The following NME8 variants were observed in gnomAD, a reference collection of about 807,000 sequenced individuals.
NME8 encodes protein NME8.
A neutral mutation model predicts 82.3 loss-of-function variants in NME8; 72 were observed. The ratio of observed to expected loss-of-function variants is 0.87; its 90% CI spans 0.72 to 1.06. The LOEUF (loss-of-function observed/expected upper bound fraction) is 1.06, where lower values mean the gene tolerates loss of function less well. Ranked by LOEUF, NME8 falls within the 50% of genes least tolerant of loss-of-function variation. The probability of loss-of-function intolerance (pLI) is 0.00; values close to 1 mark genes in which losing one functional copy is unlikely to be tolerated. For synonymous variants in NME8, 267 were observed against 228.5 expected (o/e 1.17, Z -1.52); for missense variants, 712 against 685.4 (o/e 1.04, Z -0.43).
chr7:37,879,565 T>G (rs1217799893), intron 12 of NME8, among the ~76,000 whole-genome samples: 1 of 152,236 alleles, frequency 6.6e-6, no homozygotes, highest in East Asian at 1.9e-4. Flanking sequence ...TTCCATTGTA[T>G]GTATGCAACT....
At chr7:37,857,051 A>T (rs1342546713) in intron 5 of NME8, among the ~76,000 whole-genome samples, 1 of 152,170 alleles carries the variant, frequency 6.6e-6, no homozygotes, top group African/African-American at 2.4e-5. Flanking sequence ...GTTTGGCTAA[A>T]GGTTGGTTAA....
At chr7:37,898,257 G>T (rs1224562578) in intron 17 of NME8, among the ~76,000 whole-genome samples, 1 of 152,192 alleles carries the variant, frequency 6.6e-6, no homozygotes, top group Non-Finnish European at 1.5e-5. Flanking sequence ...AAAACCCACA[G>T]TCACCTTGGG....
In NME8 at chr7:37,895,269, A is replaced by G. The variant is rs574833589; in HGVS notation, c.1544+659A>G. ...CTACATGATGCATCTGTTCCTGACA[A>G]CACATACTTTTATAACCACCACATA... is the stretch of plus-strand genomic sequence containing the variant. On this transcript the variant is annotated intron_variant, in intron 16 of 17. Coordinates refer to ENST00000199447, the MANE Select transcript of NME8 (RefSeq NM_016616.5). 2.0e-5 allele frequency among the ~76,000 whole-genome samples: 3 copies of G among 152,320 alleles called. No individual in the cohort carries two copies. In the South Asian group the frequency reaches 6.2e-4, roughly 32 times the overall value.
chr7:37,886,947 C>T (rs559661340), intron 14 of NME8, among the ~76,000 whole-genome samples: 2 of 151,976 alleles, frequency 1.3e-5, no homozygotes, highest in East Asian at 3.9e-4. Flanking sequence ...AAGCTGGGGA[C>T]AGAAAACCAA....
intron 11 of NME8, among the ~76,000 whole-genome samples, chr7:37,875,427 G>GC (rs1185026905): frequency 1.3e-5 from 2 of 151,192 alleles, no homozygotes; most frequent in East Asian, 3.9e-4. Context: ...CACCCACACA[G>GC]CCCCCCATAG....
chr7:37,899,308 A>G (rs1421726960), intron 17 of NME8, among the ~76,000 whole-genome samples: 1 of 152,238 alleles, frequency 6.6e-6, no homozygotes. Context: ...TAGACTGGAT[A>G]AAGAAAATGT....
In NME8 at chr7:37,867,772, G is replaced by T. The variant is rs371890607; in HGVS notation, c.692G>T (p.Ser231Ile). ...LSYILVVSQG[S>I]KHNPPSEETE... ...TATATTCTAGTTGTATCTCAAGGAA[G>T]TAAACACAATCCTCCCTCTGAAGAA... is the stretch of plus-strand genomic sequence containing the variant. Residue 231 changes from serine (S) to isoleucine (I), a missense_variant, in exon 11 of 18, where the codon AGT becomes ATT. Physicochemically the swap from Ser to Ile is moderately radical, Grantham distance 142. Transcript: ENST00000199447. 2.5e-6 allele frequency: 4 copies of T among 1,613,678 alleles called. No individual in the cohort carries two copies. The highest frequency in any genetic ancestry group is 3.4e-6 in the Non-Finnish European group (4 of 1,179,774).
Position 37,898,153 on chromosome 7 carries a change from C to A in NME8, c.*15+1046C>A, listed in dbSNP as rs182714005. On this transcript the variant is annotated intron_variant, in intron 17 of 17. Coordinates refer to ENST00000199447, the MANE Select transcript of NME8 (RefSeq NM_016616.5). ...GTGTTACTATTTCTCCACAGCCTCA[C>A]CAGCATCTATTATTCCTGACATTTT... 5.9e-5 allele frequency among the ~76,000 whole-genome samples: 9 copies of A among 152,042 alleles called. No homozygotes were observed. The East Asian group carries it at 1.7e-3, about 29-fold the overall frequency.
Position 37,882,597 on chromosome 7 carries a change from A to AAGAAAGAAAGAGAG in NME8, c.995-1703_995-1702insAAGAAAGAGAGAGA, listed in dbSNP as rs1554365622. On this transcript the variant is annotated intron_variant, in intron 12 of 17. Transcript: ENST00000199447. ...AAAGAAAGAAAGAAAGAAAGAAAGA[A>AAGAAAGAAAGAGAG]AGAGAGAGAGAGAGAGAGAAAGAAA... is the stretch of plus-strand genomic sequence containing the variant. 1.7e-3 allele frequency among the ~76,000 whole-genome samples: 145 copies of AAGAAAGAAAGAGAG among 83,024 alleles called. 1 individual carries two copies. The highest frequency in any genetic ancestry group is 6.5e-3 in the Middle Eastern group (1 of 154). The allele number at this position is 83,024 out of a possible 152,430, so 54.5% of individuals were successfully genotyped here.
At chr7:37,866,108 G>A (rs952927068) in intron 10 of NME8, among the ~76,000 whole-genome samples, 15 of 151,962 alleles carry the variant, frequency 9.9e-5, no homozygotes, top group African/African-American at 3.4e-4. Context: ...AGGCAGTGCT[G>A]TGTATTAGAA....
In NME8 at chr7:37,867,722, C is replaced by T. The variant is rs1251165735; in HGVS notation, c.642C>T (p.Val214=). The change falls in exon 11 of 18, where the codon GTC becomes GTT. Residue 214 remains valine, a synonymous_variant. Coordinates refer to ENST00000199447, the MANE Select transcript of NME8 (RefSeq NM_016616.5). The part of the protein sequence containing the change: ...IADQCDFEEF[V]SFMTSGLSYI... ...TGTAGTGTGACTTCGAAGAGTTTGT[C>T]TCTTTTATGACAAGTGGCTTAAGCT... is the stretch of plus-strand genomic sequence containing the variant. 6.2e-6 allele frequency: 10 copies of T among 1,613,060 alleles called. No individual in the cohort carries two copies. The highest frequency in any genetic ancestry group is 8.5e-6 in the Non-Finnish European group (10 of 1,179,186).
At chr7:37,855,834 T>A (rs938958930) in intron 5 of NME8, among the ~76,000 whole-genome samples, 9 of 152,080 alleles carry the variant, frequency 5.9e-5, no homozygotes, top group African/African-American at 2.2e-4. Flanking sequence ...TGCACCTGCA[T>A]AAAAGCTGCA....
In NME8 at chr7:37,876,959, G is replaced by C. The variant is rs921968295; in HGVS notation, c.946G>C (p.Glu316Gln). Reference protein sequence around the residue: ...DFKKMKSMKLEKTLALLRPNL... With the variant: ...DFKKMKSMKLQKTLALLRPNL... ...TAAAAAAATGAAAAGCATGAAATTA[G>C]AAAAGACATTGGCATTACTTCGACC... The change falls in exon 12 of 18, where the codon GAA becomes CAA. Residue 316 changes from glutamate to glutamine, a missense_variant. By Grantham distance (29) the Glu-to-Gln change is conservative. Transcript: ENST00000199447. The C allele has an allele frequency of 8.1e-6, 13 of 1,613,088 alleles. No homozygotes were observed. The African/African-American group carries it at 1.6e-4, about 20-fold the overall frequency.
At chr7:37,885,439 A>C (rs542353786) in intron 14 of NME8, among the ~76,000 whole-genome samples, 187 bp downstream of exon 14, 1 of 152,290 alleles carries the variant, frequency 6.6e-6, no homozygotes, top group East Asian at 1.9e-4. Flanking sequence ...GGATGGCCAA[A>C]GATTTTCAAG....
At chr7:37,861,971 A>T (rs1453296728) in intron 6 of NME8, 57 bp from the exon 7 acceptor site, 1 of 1,042,312 alleles carries the variant, frequency 9.6e-7, no homozygotes, top group Non-Finnish European at 1.5e-6. Context: ...TTTAAGTGTT[A>T]GTTCTTGGTG....
At chr7:37,899,676 C>A (rs1034926183) in intron 17 of NME8, among the ~76,000 whole-genome samples, 1 of 152,004 alleles carries the variant, frequency 6.6e-6, no homozygotes, top group Non-Finnish European at 1.5e-5. Context: ...TACTCCTGAA[C>A]TTAAAATAAA....
At chr7:37,895,397 A>G (rs751361875) in intron 16 of NME8, among the ~76,000 whole-genome samples, 12 of 152,108 alleles carry the variant, frequency 7.9e-5, no homozygotes, top group Non-Finnish European at 1.2e-4. Context: ...TCTGTGAAGT[A>G]GTTTTACTAG....
intron 12 of NME8, among the ~76,000 whole-genome samples, chr7:37,880,236 A>G (rs1356563780): frequency 2.6e-5 from 4 of 152,102 alleles, no homozygotes; most frequent in Non-Finnish European, 5.9e-5. Flanking sequence ...TTCTTTTTGG[A>G]TTGCGGTTTT....
intron 16 of NME8, among the ~76,000 whole-genome samples, chr7:37,896,303 A>G (rs1785228296): frequency 6.6e-6 from 1 of 152,194 alleles, no homozygotes; most frequent in Non-Finnish European, 1.5e-5. Flanking sequence ...TGTTCAGGCT[A>G]TTGAGTAATG....
Sources: gnomAD v4.1 joint callset for allele counts (sites outside exome capture counted in the v4.1 genomes callset) on GRCh38, gnomAD v4.1.1 for gene constraint, MANE v1.5 for transcripts, NCBI Gene and HGNC (gene_info 2026-07-23, HGNC 2026-07-21) for gene names.